SYN2: variants seen among roughly 807,000 people sequenced by gnomAD.
SYN2 encodes the protein synapsin-2.
In SYN2, 19 loss-of-function variants were observed where a neutral mutation model predicts 50.9. The observed-to-expected ratio is 0.37, with a 90% CI of 0.26 to 0.55. SYN2 has a LOEUF of 0.55. SYN2 is among the 20% of genes least tolerant of loss of function. SYN2 has a pLI of 0.81. For missense variants in SYN2, 587 were observed against 576.4 expected (o/e 1.02, Z -0.19); for synonymous variants, 255 against 224.9 (o/e 1.13, Z -1.20).
At chr3:12,070,801 C>G (rs1389929342) in intron 1 of SYN2, 1 of 622,554 alleles carries the variant, frequency 1.6e-6, no homozygotes, top group Non-Finnish European at 3.1e-6. Flanking sequence ...GACTGACTAC[C>G]TCATGAAGAT....
At chr3:12,025,599 C>T (rs931158808) in intron 1 of SYN2, among the ~76,000 whole-genome samples, 1 of 152,118 alleles carries the variant, frequency 6.6e-6, no homozygotes, top group Non-Finnish European at 1.5e-5. Context: ...GGAGTCTAAA[C>T]CAATCACATT....
At chr3:12,140,569 G>C (rs938531723) in intron 1 of SYN2, 82 bp from the exon 2 acceptor site, 3 of 716,912 alleles carry the variant, frequency 4.2e-6, no homozygotes, top group Non-Finnish European at 7.8e-6. Context: ...TGTCTGCTGT[G>C]GTCCTCTTCT....
intron 1 of SYN2, among the ~76,000 whole-genome samples, chr3:12,075,064 G>A (rs1269730845): frequency 6.6e-6 from 1 of 151,896 alleles, no homozygotes; most frequent in Non-Finnish European, 1.5e-5. Context: ...ATACTTCATA[G>A]CTTACTAAAT....
At chr3:12,152,740 G>A (rs1433211973) in intron 5 of SYN2, among the ~76,000 whole-genome samples, 1 of 152,192 alleles carries the variant, frequency 6.6e-6, no homozygotes, top group Non-Finnish European at 1.5e-5. Context: ...TCTGAAATAG[G>A]AATGAAGATG....
chr3:12,146,116 C>G (rs1697144212), intron 4 of SYN2, among the ~76,000 whole-genome samples: 1 of 152,222 alleles, frequency 6.6e-6, no homozygotes, highest in Non-Finnish European at 1.5e-5. Flanking sequence ...GGCCTCACAA[C>G]AAAGTCGCAC....
At chr3:12,097,396 G>A (rs1695958002) in intron 1 of SYN2, among the ~76,000 whole-genome samples, 1 of 151,744 alleles carries the variant, frequency 6.6e-6, no homozygotes, top group Admixed American at 6.6e-5. Flanking sequence ...AACGAGGTCA[G>A]GAGATCAAGA....
chr3:12,098,468 T>C (rs1192578752), intron 1 of SYN2, among the ~76,000 whole-genome samples: 2 of 152,170 alleles, frequency 1.3e-5, no homozygotes, highest in Admixed American at 6.5e-5. Context: ...AAAATTTTTG[T>C]AAACTATTGT....
At chr3:12,060,978 G>A (rs1695101557) in intron 1 of SYN2, among the ~76,000 whole-genome samples, 2 of 152,194 alleles carry the variant, frequency 1.3e-5, no homozygotes, top group South Asian at 4.2e-4. Flanking sequence ...TATGGTAAAC[G>A]CTCTGATGGA....
intron 5 of SYN2, among the ~76,000 whole-genome samples, chr3:12,154,684 C>T (rs1363195633): frequency 1.3e-5 from 2 of 152,188 alleles, no homozygotes; most frequent in Non-Finnish European, 2.9e-5. Flanking sequence ...AAGGCCTTTT[C>T]GTTTAGCATG....
chr3:12,085,898 C>T (rs6778251), intron 1 of SYN2, among the ~76,000 whole-genome samples: 7,531 of 151,914 alleles, frequency 0.05, 629 homozygotes, highest in African/African-American at 0.17. Context: ...TAACAAAAAT[C>T]AGAGCAGAAA....
At chr3:12,053,014 A>G (rs1694901943) in intron 1 of SYN2, among the ~76,000 whole-genome samples, 1 of 152,212 alleles carries the variant, frequency 6.6e-6, no homozygotes, top group African/African-American at 2.4e-5. Flanking sequence ...CAACAACCCT[A>G]CAGCAAAAGG....
chr3:12,032,051 G>A (rs202234146), intron 1 of SYN2, among the ~76,000 whole-genome samples: 1 of 110,542 alleles, frequency 9.0e-6, no homozygotes. Flanking sequence ...GCGCTTCCTT[G>A]AGGAGCTCTT....
intron 1 of SYN2, among the ~76,000 whole-genome samples, chr3:12,119,607 G>T (rs17035847): frequency 0.079 from 11,968 of 152,100 alleles, 581 homozygotes; most frequent in African/African-American, 0.13. Flanking sequence ...GGCAACTTTT[G>T]TTATTTGTGG....
chr3:12,126,103 G>T (rs997234746), intron 1 of SYN2, among the ~76,000 whole-genome samples: 1 of 152,212 alleles, frequency 6.6e-6, no homozygotes, highest in Non-Finnish European at 1.5e-5. Context: ...TGTATTTTAG[G>T]AAACTCTCTA....
intron 10 of SYN2, among the ~76,000 whole-genome samples, chr3:12,178,009 G>A (rs1299420729): frequency 1.3e-5 from 2 of 152,218 alleles, no homozygotes; most frequent in Non-Finnish European, 2.9e-5. Context: ...GTGGGCGCTG[G>A]TGACTGCAGG....
intron 8 of SYN2, 89 bp downstream of exon 8, chr3:12,167,397 G>A (rs932536731): frequency 3.6e-5 from 49 of 1,377,638 alleles, no homozygotes; most frequent in Non-Finnish European, 4.5e-5. Context: ...TCTGTCCAAA[G>A]GGAGTCATGG....
intron 1 of SYN2, among the ~76,000 whole-genome samples, chr3:12,125,859 C>A (rs1221239421): frequency 6.9e-6 from 1 of 145,648 alleles, no homozygotes; most frequent in Admixed American, 6.8e-5. Context: ...AAAAAAAAAC[C>A]CACAAAACAC....
intron 1 of SYN2, among the ~76,000 whole-genome samples, chr3:12,085,380 C>T (rs1368211729): frequency 5.1e-5 from 7 of 138,092 alleles, no homozygotes; most frequent in Non-Finnish European, 1.0e-4. Context: ...CACACACACA[C>T]GCACGCACGC....
At chr3:12,050,433 C>G (rs970836321) in intron 1 of SYN2, among the ~76,000 whole-genome samples, 1 of 149,444 alleles carries the variant, frequency 6.7e-6, no homozygotes, top group African/African-American at 2.5e-5. Context: ...GCAACCTCTG[C>G]CTCCCAGGTT....
Sources: allele counts gnomAD v4.1 joint callset (sites outside exome capture counted in the v4.1 genomes callset), GRCh38; gene constraint gnomAD v4.1.1; transcripts MANE v1.5; gene names NCBI Gene and HGNC (gene_info 2026-07-23, HGNC 2026-07-21).